Variants in LDAH observed in about 807,000 individuals in gnomAD.
LDAH encodes lipid droplet-associated hydrolase.
A neutral mutation model predicts 29.6 loss-of-function variants in LDAH; 26 were observed. The observed-to-expected ratio is 0.88, with a 90% confidence interval of 0.64 to 1.22. The LOEUF (loss-of-function observed/expected upper bound fraction) is 1.22, where lower values mean the gene tolerates loss of function less well. Ranked by LOEUF, LDAH falls within the 50% of genes most tolerant of loss-of-function variation. The pLI, the probability that LDAH is intolerant of heterozygous loss-of-function variation, is 0.00. For synonymous variants in LDAH, 117 were observed against 133.0 expected (o/e 0.88, Z 0.83); for missense variants, 344 against 387.3 (o/e 0.89, Z 0.94).
chr2:20,738,907 T>C (rs995744366), intron 5 of LDAH, among the ~76,000 whole-genome samples: 1 of 152,244 alleles, frequency 6.6e-6, no homozygotes, highest in Non-Finnish European at 1.5e-5. Context: ...TCATTAGGCA[T>C]GTGACCTTAT....
chr2:20,772,162 G>T (rs1415455853), intron 4 of LDAH, among the ~76,000 whole-genome samples: 1 of 152,132 alleles, frequency 6.6e-6, no homozygotes, highest in East Asian at 1.9e-4. Flanking sequence ...ACACAAAAGA[G>T]AAACCACACA....
chr2:20,789,228 A>C (rs1199859838), intron 3 of LDAH: 1 of 1,550,462 alleles, frequency 6.4e-7, no homozygotes, highest in Non-Finnish European at 8.7e-7. Flanking sequence ...AGAGGTGGAG[A>C]GGGGTCTTTG....
chr2:20,796,945 A>G (rs1330588359), intron 2 of LDAH, among the ~76,000 whole-genome samples: 1 of 151,976 alleles, frequency 6.6e-6, no homozygotes, highest in Non-Finnish European at 1.5e-5. Flanking sequence ...TTAGTAACCA[A>G]TTTCACCTCC....
chr2:20,812,031 G>A (rs749363321), intron 1 of LDAH, among the ~76,000 whole-genome samples: 2 of 152,114 alleles, frequency 1.3e-5, no homozygotes, highest in Non-Finnish European at 2.9e-5. Context: ...CCAAAGATGA[G>A]GGGAATGAAA....
At chr2:20,789,311 TCCA>T (rs1338977534) in intron 3 of LDAH, 1 of 1,545,990 alleles carries the variant, frequency 6.5e-7, no homozygotes, top group African/African-American at 1.4e-5. Context: ...GCCTCCTGTG[TCCA>T]CCACGAGAGG....
Position 20,774,990 on chromosome 2 carries a change from A to T in LDAH, c.299-11T>A. 6.3e-7 allele frequency: 1 copy of T among 1,577,432 alleles called. No homozygotes were observed. The highest frequency in any genetic ancestry group is 1.1e-5 in the South Asian group (1 of 87,042). On this transcript the variant is annotated splice_polypyrimidine_tract_variant and intron_variant, in intron 3 of 6. Transcript: ENST00000237822. ...CTTGAGCGTTTGAATCTAAAAGCAAAAATATGAGCACGTTTTCATTAAGTA... is the reference window on the plus strand; with the variant it reads ...CTTGAGCGTTTGAATCTAAAAGCAATAATATGAGCACGTTTTCATTAAGTA...
In LDAH at chr2:20,685,826, A is replaced by G. The variant is rs890877952; in HGVS notation, c.*1077T>C. The stretch of plus-strand genomic sequence containing the variant: ...ATGTGTCTAGAGAAGGTGAATTCAC[A>G]TAACTTAATGGCTGGGTTTGGTTCA... On this transcript the variant is annotated 3_prime_UTR_variant, in exon 7 of 7. Coordinates refer to ENST00000237822, the MANE Select transcript of LDAH (RefSeq NM_021925.4). 1.4e-6 allele frequency: 1 copy of G among 705,922 alleles called. No individual in the cohort carries two copies. Among genetic ancestry groups the G allele is most frequent in the African/African-American group, 1.8e-5 (1 of 54,410 alleles). 43.7% of individuals were successfully genotyped at this position (705,922 alleles called of 1,614,324 possible).
At chr2:20,780,550 G>A (rs987160824) in intron 3 of LDAH, among the ~76,000 whole-genome samples, 1 of 152,104 alleles carries the variant, frequency 6.6e-6, no homozygotes, top group Admixed American at 6.5e-5. Flanking sequence ...TGAAGCATAA[G>A]GTTAAAAAGG....
chr2:20,701,577 A>G lies in LDAH; in HGVS notation c.779T>C (p.Leu260Ser). 6.2e-7 allele frequency: 1 copy of G among 1,613,864 alleles called. No individual in the cohort carries two copies. The highest frequency in any genetic ancestry group is 8.5e-7 in the Non-Finnish European group (1 of 1,179,800). The change falls in exon 6 of 7, where the codon TTA becomes TCA. Residue 260 changes from leucine (L) to serine (S), a missense_variant. Physicochemically the swap from Leu to Ser is moderately radical, Grantham distance 145. Coordinates refer to ENST00000237822, the MANE Select transcript of LDAH (RefSeq NM_021925.4). ...KRDDETIKEH[L>S]CKLTFYYGTI... ...CAGCACTAAAGTGATTACCTTACAT[A>G]AATGCTCCTTTATGGTTTCGTCATC...
At chr2:20,778,957 T>G (rs982116718) in intron 3 of LDAH, among the ~76,000 whole-genome samples, 8 of 152,018 alleles carry the variant, frequency 5.3e-5, no homozygotes, top group African/African-American at 1.9e-4. Flanking sequence ...ATATACTGAA[T>G]ATAAATGTAT....
intron 4 of LDAH, among the ~76,000 whole-genome samples, chr2:20,747,207 G>C (rs1259541643): frequency 6.6e-6 from 1 of 152,020 alleles, no homozygotes; most frequent in Non-Finnish European, 1.5e-5. Flanking sequence ...GCTTATTACA[G>C]ATGCATCCAT....
chr2:20,771,282 A>G (rs1358124753), intron 4 of LDAH, among the ~76,000 whole-genome samples: 1 of 152,236 alleles, frequency 6.6e-6, no homozygotes, highest in Non-Finnish European at 1.5e-5. Context: ...CTGAACCAAA[A>G]TAAAACTAAA....
chr2:20,761,022 C>T (rs1315686582), intron 4 of LDAH, among the ~76,000 whole-genome samples: 3 of 152,168 alleles, frequency 2.0e-5, no homozygotes, highest in Non-Finnish European at 2.9e-5. Flanking sequence ...AAGAAATCTT[C>T]AACTATTCCG....
chr2:20,812,460 C>T (rs1043699458), intron 1 of LDAH, among the ~76,000 whole-genome samples: 1 of 152,122 alleles, frequency 6.6e-6, no homozygotes, highest in Admixed American at 6.5e-5. Flanking sequence ...CATCTGGGTG[C>T]CTCATTGATG....
intron 4 of LDAH, among the ~76,000 whole-genome samples, chr2:20,755,123 CTGTGTT>C (rs772032971): frequency 0.024 from 2,029 of 85,574 alleles, 30 homozygotes; most frequent in African/African-American, 0.055. Flanking sequence ...TATTGTGTGT[CTGTGTT>C]TGTGTGTGTG....
intron 4 of LDAH, among the ~76,000 whole-genome samples, chr2:20,749,689 C>G (rs1462261977): frequency 6.6e-6 from 1 of 152,142 alleles, no homozygotes; most frequent in Non-Finnish European, 1.5e-5. Flanking sequence ...TCAGTTAGGG[C>G]AGCTAAGACC....
At chr2:20,691,705 T>C (rs777678936) in intron 6 of LDAH, among the ~76,000 whole-genome samples, 3 of 152,256 alleles carry the variant, frequency 2.0e-5, no homozygotes, top group Admixed American at 6.5e-5. Context: ...ATAAAAAGTA[T>C]ACATTATTGA....
At chr2:20,795,981 AC>A (rs1558487057) in intron 2 of LDAH, among the ~76,000 whole-genome samples, 173 of 150,686 alleles carry the variant, frequency 1.1e-3, no homozygotes, top group African/African-American at 4.1e-3. Flanking sequence ...ACACACACAC[AC>A]ACAAAATACA....
At chr2:20,781,313 G>A (rs1670177382) in intron 3 of LDAH, among the ~76,000 whole-genome samples, 1 of 152,054 alleles carries the variant, frequency 6.6e-6, no homozygotes, top group Non-Finnish European at 1.5e-5. Context: ...ACTTATGATT[G>A]TGATAATGTG....
Sources: allele counts gnomAD v4.1 joint callset (sites outside exome capture counted in the v4.1 genomes callset), GRCh38; gene constraint gnomAD v4.1.1; transcripts MANE v1.5; gene names NCBI Gene and HGNC (gene_info 2026-07-23, HGNC 2026-07-21).